The following GPC6 variants were observed in gnomAD, a reference collection of about 807,000 sequenced individuals.
GPC6 encodes the protein glypican 6.
Under a neutral mutation model 55.2 loss-of-function variants are expected in GPC6, and 14 were observed. That is an observed-to-expected ratio of 0.25 (90% CI 0.17 to 0.40). GPC6 has a LOEUF of 0.40. GPC6 is among the 10% of genes least tolerant of loss of function. GPC6 has a pLI of 1.00. For missense variants in GPC6, 641 were observed against 708.5 expected, an observed-to-expected ratio of 0.90 and a Z score of 1.08; for synonymous variants, 278 against 259.6, an observed-to-expected ratio of 1.07 and a Z score of -0.68.
intron 4 of GPC6, among the ~76,000 whole-genome samples, chr13:94,147,588 C>T (rs904491063): frequency 2.0e-5 from 3 of 152,266 alleles, no homozygotes; most frequent in South Asian, 2.1e-4. Flanking sequence ...TTAACCAATG[C>T]CTCTTCCTTC....
chr13:94,272,442 T>C (rs1048323923), intron 4 of GPC6, among the ~76,000 whole-genome samples: 2 of 126,264 alleles, frequency 1.6e-5, no homozygotes, highest in Non-Finnish European at 3.2e-5. Flanking sequence ...TGCTTCTTTT[T>C]CTTTTCTTTT....
chr13:93,331,203 T>G (rs1879832298), intron 1 of GPC6, among the ~76,000 whole-genome samples: 1 of 152,204 alleles, frequency 6.6e-6, no homozygotes, highest in Non-Finnish European at 1.5e-5. Context: ...TTTTCTTTCT[T>G]GCTAAAAATA....
intron 4 of GPC6, among the ~76,000 whole-genome samples, chr13:94,051,882 A>C (rs1221840602): frequency 9.2e-5 from 14 of 152,184 alleles, no homozygotes; most frequent in Admixed American, 9.2e-4. Context: ...CTTATTAAAG[A>C]TAGTAAAGCA....
intron 1 of GPC6, among the ~76,000 whole-genome samples, chr13:93,294,912 A>G (rs1420754773): frequency 1.3e-5 from 2 of 151,490 alleles, no homozygotes; most frequent in African/African-American, 2.4e-5. Flanking sequence ...TTTCTCTCCC[A>G]CATTCATTGT....
At chr13:93,587,524 T>C (rs1445261) in intron 2 of GPC6, among the ~76,000 whole-genome samples, 148,301 of 152,254 alleles carry the variant, frequency 0.97, 72,246 homozygotes, top group East Asian at 1. Context: ...TTATGGTTCA[T>C]GTTGTTGCTT....
intron 3 of GPC6, among the ~76,000 whole-genome samples, chr13:93,891,017 TA>T (rs957653023): frequency 6.6e-6 from 1 of 152,098 alleles, no homozygotes; most frequent in African/African-American, 2.4e-5. Context: ...GAGAAACAAC[TA>T]AAATATGAAC....
chr13:93,398,263 C>T (rs946122573), intron 1 of GPC6, among the ~76,000 whole-genome samples: 3 of 152,196 alleles, frequency 2.0e-5, no homozygotes, highest in African/African-American at 7.2e-5. Flanking sequence ...CACAGTCTCT[C>T]CCATTAAGCT....
chr13:93,867,313 A>G (rs1377937622), intron 3 of GPC6, among the ~76,000 whole-genome samples: 1 of 151,680 alleles, frequency 6.6e-6, no homozygotes, highest in Non-Finnish European at 1.5e-5. Context: ...TCTCTCTAAC[A>G]TTGAGGTAGG....
At chr13:93,954,177 C>A (rs1443472497) in intron 3 of GPC6, among the ~76,000 whole-genome samples, 1 of 152,116 alleles carries the variant, frequency 6.6e-6, no homozygotes, top group Non-Finnish European at 1.5e-5. Flanking sequence ...TTTTATCTGG[C>A]TTCTTTCAAC....
intron 3 of GPC6, among the ~76,000 whole-genome samples, chr13:93,950,622 T>A (rs1223935575): frequency 2.6e-5 from 4 of 152,180 alleles, no homozygotes; most frequent in Non-Finnish European, 5.9e-5. Context: ...GTATTTTCCC[T>A]AACCTAGCGA....
chr13:94,373,058 A>T (rs997445692), intron 6 of GPC6, among the ~76,000 whole-genome samples: 1 of 152,234 alleles, frequency 6.6e-6, no homozygotes, highest in African/African-American at 2.4e-5. Flanking sequence ...CCAAAACCCC[A>T]TCTGTACATC....
chr13:93,879,545 C>A (rs546128658), intron 3 of GPC6, among the ~76,000 whole-genome samples: 37 of 151,638 alleles, frequency 2.4e-4, no homozygotes, highest in African/African-American at 9.0e-4. Flanking sequence ...CTTCCTTACA[C>A]CTTATACAAA....
At chr13:93,551,847 G>C (rs1365553998) in intron 2 of GPC6, among the ~76,000 whole-genome samples, 1 of 152,048 alleles carries the variant, frequency 6.6e-6, no homozygotes, top group Non-Finnish European at 1.5e-5. Flanking sequence ...ATCACAGCAA[G>C]ACAGACACAA....
At chr13:94,229,657 A>C (rs1890662110) in intron 4 of GPC6, among the ~76,000 whole-genome samples, 1 of 152,232 alleles carries the variant, frequency 6.6e-6, no homozygotes, top group Admixed American at 6.5e-5. Flanking sequence ...GCTCAATAAC[A>C]CAAGGTTAGA....
chr13:93,997,597 G>GTC (rs71922055), intron 3 of GPC6, among the ~76,000 whole-genome samples: 82 of 151,892 alleles, frequency 5.4e-4, no homozygotes, highest in African/African-American at 1.9e-3. Context: ...GTGTGTGTGT[G>GTC]TGTGTGTGTG....
At chr13:93,993,552 T>C (rs1248682374) in intron 3 of GPC6, among the ~76,000 whole-genome samples, 1 of 152,042 alleles carries the variant, frequency 6.6e-6, no homozygotes, top group Non-Finnish European at 1.5e-5. Context: ...CGCCTCAGCC[T>C]CCCAAAGTGC....
chr13:94,261,229 C>T (rs1891647932), intron 4 of GPC6, among the ~76,000 whole-genome samples: 1 of 152,110 alleles, frequency 6.6e-6, no homozygotes, highest in Non-Finnish European at 1.5e-5. Context: ...AAGCCAAGAC[C>T]ACGCCACTTC....
At chr13:94,097,505 T>TCA (rs1325023952) in intron 4 of GPC6, among the ~76,000 whole-genome samples, 6 of 36,474 alleles carry the variant, frequency 1.6e-4, no homozygotes, top group Non-Finnish European at 3.7e-4. Flanking sequence ...AGACTCTGTC[T>TCA]CAAAAAAAAA....
intron 3 of GPC6, among the ~76,000 whole-genome samples, chr13:93,904,176 G>A (rs1370460082): frequency 1.3e-5 from 2 of 152,080 alleles, no homozygotes; most frequent in Admixed American, 6.5e-5. Flanking sequence ...CTGTCACCAC[G>A]TCTGGCAGAT....
Sources: gnomAD v4.1 joint callset for allele counts (sites outside exome capture counted in the v4.1 genomes callset) on GRCh38, gnomAD v4.1.1 for gene constraint, MANE v1.5 for transcripts, NCBI Gene and HGNC (gene_info 2026-07-23, HGNC 2026-07-21) for gene names.